The following CHN2 variants were observed in gnomAD, a reference collection of about 807,000 sequenced individuals.
The protein encoded by CHN2 is beta-chimaerin.
CHN2 carries 35 observed loss-of-function variants against 56.3 expected under a neutral mutation model. The observed-to-expected ratio is 0.62, with a 90% CI of 0.47 to 0.82. The LOEUF (loss-of-function observed/expected upper bound fraction) is 0.82. Ranked by LOEUF, CHN2 falls within the 40% of genes least tolerant of loss-of-function variation. The probability of loss-of-function intolerance (pLI) is 0.00; values close to 1 mark genes in which losing one functional copy is unlikely to be tolerated. For synonymous variants in CHN2, 210 were observed against 212.8 expected (o/e 0.99, Z 0.12); for missense variants, 491 against 580.5 (o/e 0.85, Z 1.58).
intron 1 of CHN2, among the ~76,000 whole-genome samples, chr7:29,195,629 A>AGAGAGAGAGAGAGTGTGTGTGTGT (rs869037854): frequency 8.5e-6 from 1 of 117,502 alleles, no homozygotes; most frequent in African/African-American, 3.6e-5. Flanking sequence ...AGAGAGAGAG[A>AGAGAGAGAGAGAGTGTGTGTGTGT]GTGTGTGTGT....
chr7:29,367,898 T>C, intron 2 of CHN2, 34 bp from the exon 3 acceptor site: 1 of 1,571,564 alleles, frequency 6.4e-7, no homozygotes, highest in African/African-American at 1.4e-5. Flanking sequence ...CTAATTCTAA[T>C]TATTTCTCTC....
chr7:29,444,196 C>T (rs529597637), intron 6 of CHN2, among the ~76,000 whole-genome samples: 24 of 152,182 alleles, frequency 1.6e-4, no homozygotes, highest in African/African-American at 5.8e-4. Flanking sequence ...ATATGCATAC[C>T]TTTTTTATAT....
intron 1 of CHN2, among the ~76,000 whole-genome samples, chr7:29,285,253 G>A (rs1792058448): frequency 6.6e-6 from 1 of 152,176 alleles, no homozygotes; most frequent in Non-Finnish European, 1.5e-5. Context: ...ATTGGTCCAG[G>A]TCCAGTCATA....
At chr7:29,212,016 A>G (rs994060449) in intron 1 of CHN2, among the ~76,000 whole-genome samples, 7 of 152,168 alleles carry the variant, frequency 4.6e-5, no homozygotes, top group African/African-American at 9.7e-5. Flanking sequence ...TCCCATACCC[A>G]GGATTATTTT....
chr7:29,470,319 C>A (rs1785915018), intron 6 of CHN2, among the ~76,000 whole-genome samples: 2 of 152,234 alleles, frequency 1.3e-5, no homozygotes. Flanking sequence ...AATGTGTCAA[C>A]ATCCATGTTT....
At chr7:29,355,309 C>T (rs906338803) in intron 2 of CHN2, among the ~76,000 whole-genome samples, 2 of 152,068 alleles carry the variant, frequency 1.3e-5, no homozygotes, top group African/African-American at 4.8e-5. Flanking sequence ...TCGGCAAGGA[C>T]AAATGTGTTG....
intron 3 of CHN2, among the ~76,000 whole-genome samples, chr7:29,373,063 T>C (rs1306192753): frequency 6.6e-6 from 1 of 152,254 alleles, no homozygotes; most frequent in African/African-American, 2.4e-5. Context: ...TAGTCTATTT[T>C]GGAAAACTTT....
chr7:29,398,407 G>C lies in CHN2; in HGVS notation c.211G>C (p.Glu71Gln), dbSNP rs770232262. ...GATCATCTCTCGGGAGCAGGCGGAT[G>C]AGCTTCTTGGAGGCGTGGAGGGTGC... The part of the protein sequence containing the change: ...HGIISREQAD[E>Q]LLGGVEGAYI... Residue 71 changes from glutamate (E) to glutamine (Q), a missense_variant, in exon 5 of 13, where the codon GAG becomes CAG. Coordinates refer to ENST00000222792, the MANE Select transcript of CHN2 (RefSeq NM_004067.4). 2 of 1,613,578 alleles carry C rather than the reference G, an allele frequency of 1.2e-6. No homozygotes were observed. Among genetic ancestry groups the C allele is most frequent in the Non-Finnish European group, 1.7e-6 (2 of 1,179,992 alleles).
At position 29,227,191 on chromosome 7, in the gene CHN2, G is replaced by A. The variant is rs116207704; in HGVS notation, c.49+32201G>A. Reference sequence around the variant, plus strand: ...TCCCACTGTAATAGTGGTGCACCCCGCTGGCAGCAGGCAGCTTATTGAGAA... The same window carrying A: ...TCCCACTGTAATAGTGGTGCACCCCACTGGCAGCAGGCAGCTTATTGAGAA... On this transcript the variant is annotated intron_variant, in intron 1 of 12. Transcript: ENST00000222792. Among the ~76,000 whole-genome samples the A allele has an allele frequency of 7.4e-3, 1,129 of 152,300 alleles. 14 individuals are homozygous for A. Among genetic ancestry groups the A allele is most frequent in the African/African-American group, 0.026 (1,060 of 41,566 alleles).
At chr7:29,244,340 C>T (rs1462815978) in intron 1 of CHN2, among the ~76,000 whole-genome samples, 2 of 152,204 alleles carry the variant, frequency 1.3e-5, no homozygotes. Flanking sequence ...ATCCACCTCC[C>T]ACACAGAGGG....
rs570944899 is a variant in CHN2, at chr7:29,462,461, T to C, written c.577-17818T>C. On this transcript the variant is annotated intron_variant, in intron 6 of 12. Transcript: ENST00000222792. The stretch of plus-strand genomic sequence containing the variant: ...AGGCTTCATCTGAGAAGACTCAAAG[T>C]CTTGAGGGGAACTCAACATCTGGGG... Among the ~76,000 whole-genome samples, 19 of 152,322 alleles carry C rather than the reference T, an allele frequency of 1.2e-4. No individual in the cohort carries two copies. In the East Asian group the frequency reaches 3.1e-3, roughly 25 times the overall value.
chr7:29,454,822 T>G (rs1177172465), intron 6 of CHN2, among the ~76,000 whole-genome samples: 1 of 152,254 alleles, frequency 6.6e-6, no homozygotes, highest in Non-Finnish European at 1.5e-5. Flanking sequence ...AACGCATGCT[T>G]AAAATGAGTG....
intron 1 of CHN2, among the ~76,000 whole-genome samples, chr7:29,329,750 A>G (rs959103185): frequency 3.3e-5 from 5 of 152,222 alleles, no homozygotes; most frequent in South Asian, 2.1e-4. Flanking sequence ...TTTTAATATT[A>G]TATTGTTTAG....
chr7:29,457,177 G>A (rs965170049), intron 6 of CHN2, among the ~76,000 whole-genome samples: 6 of 152,168 alleles, frequency 3.9e-5, no homozygotes, highest in African/African-American at 9.7e-5. Flanking sequence ...GCCACCATCA[G>A]AGCAGGTCCT....
At chr7:29,281,322 C>T (rs1376234632) in intron 1 of CHN2, among the ~76,000 whole-genome samples, 2 of 152,070 alleles carry the variant, frequency 1.3e-5, no homozygotes, top group African/African-American at 2.4e-5. Context: ...CTGTGCCTTG[C>T]TTTGTTTGCA....
chr7:29,478,726 A>G lies in CHN2; in HGVS notation c.577-1553A>G, dbSNP rs1037830127. On this transcript the variant is annotated intron_variant, in intron 6 of 12. Transcript: ENST00000222792. ...AATAAAAATCTTGCTCCTCACACCCATATGCTGCAGATTAAATGAGTTAAG... is the reference window on the plus strand; with the variant it reads ...AATAAAAATCTTGCTCCTCACACCCGTATGCTGCAGATTAAATGAGTTAAG... Among the ~76,000 whole-genome samples, 7 of 152,326 alleles carry G rather than the reference A, an allele frequency of 4.6e-5. No individual in the cohort carries two copies. In the East Asian group the frequency reaches 5.8e-4, roughly 13 times the overall value.
chr7:29,188,534 T>G (rs1798993752), intron 2 of CHN2, among the ~76,000 whole-genome samples: 1 of 152,128 alleles, frequency 6.6e-6, no homozygotes. Context: ...TTTTTTTATT[T>G]TTTTTTTAAA....
chr7:29,151,972 G>T (rs568571755), intron 2 of CHN2, among the ~76,000 whole-genome samples: 3 of 152,308 alleles, frequency 2.0e-5, no homozygotes, highest in South Asian at 2.1e-4. Flanking sequence ...GTAGTATTTG[G>T]AGTCTCCTCT....
At chr7:29,211,606 T>A (rs1312688075) in intron 1 of CHN2, among the ~76,000 whole-genome samples, 1 of 152,124 alleles carries the variant, frequency 6.6e-6, no homozygotes, top group African/African-American at 2.4e-5. Flanking sequence ...GGCCCACAAG[T>A]TGATTTCAGA....
Sources: gnomAD v4.1 joint callset for allele counts (sites outside exome capture counted in the v4.1 genomes callset) on GRCh38, gnomAD v4.1.1 for gene constraint, MANE v1.5 for transcripts, NCBI Gene and HGNC (gene_info 2026-07-23, HGNC 2026-07-21) for gene names.